Variants in SGCZ observed in about 807,000 individuals in gnomAD.
SGCZ encodes the protein zeta-sarcoglycan.
Under a neutral mutation model 41.3 loss-of-function variants are expected in SGCZ, and 40 were observed. The ratio of observed to expected loss-of-function variants is 0.97; its 90% CI spans 0.75 to 1.26. The LOEUF (loss-of-function observed/expected upper bound fraction) is 1.26. Ranked by LOEUF, SGCZ falls within the 50% of genes most tolerant of loss-of-function variation. SGCZ has a pLI of 0.00. For missense variants in SGCZ, 552 were observed against 369.8 expected, an observed-to-expected ratio of 1.49 and a Z score of -4.04; for synonymous variants, 206 against 137.5, an observed-to-expected ratio of 1.50 and a Z score of -3.49.
chr8:14,710,819 A>G (rs1809492152), intron 1 of SGCZ, among the ~76,000 whole-genome samples: 1 of 152,198 alleles, frequency 6.6e-6, no homozygotes, highest in Non-Finnish European at 1.5e-5. Context: ...ATCTTTTTAA[A>G]GCAATTTTTT....
At chr8:14,333,932 T>C (rs769006865) in intron 2 of SGCZ, among the ~76,000 whole-genome samples, 2 of 152,126 alleles carry the variant, frequency 1.3e-5, no homozygotes, top group African/African-American at 2.4e-5. Flanking sequence ...TTCAGTTGCG[T>C]CCTAATGTGA....
intron 2 of SGCZ, among the ~76,000 whole-genome samples, chr8:14,414,190 G>A (rs552413281): frequency 3.3e-5 from 5 of 151,610 alleles, no homozygotes; most frequent in African/African-American, 4.8e-5. Context: ...GCACACACTC[G>A]CGCACACACA....
At chr8:14,309,591 C>T in intron 3 of SGCZ, 1 of 1,610,840 alleles carries the variant, frequency 6.2e-7, no homozygotes, top group Non-Finnish European at 8.5e-7. Flanking sequence ...AGGACTTCAT[C>T]CAAAGATAGT....
intron 2 of SGCZ, among the ~76,000 whole-genome samples, chr8:14,510,868 G>A (rs1232509805): frequency 6.6e-6 from 1 of 152,022 alleles, no homozygotes; most frequent in African/African-American, 2.4e-5. Flanking sequence ...TCTTCATTAA[G>A]GACTTGGGAA....
chr8:14,724,325 G>A (rs2250532), intron 1 of SGCZ, among the ~76,000 whole-genome samples: 110,362 of 151,352 alleles, frequency 0.73, 40,296 homozygotes, highest in Admixed American at 0.77. Context: ...ATATATATAT[G>A]TGTTCTAATT....
chr8:14,647,939 G>C (rs1238786426), intron 1 of SGCZ, among the ~76,000 whole-genome samples: 1 of 151,972 alleles, frequency 6.6e-6, no homozygotes, highest in Admixed American at 6.6e-5. Flanking sequence ...TATCTGGGGA[G>C]ACAGTTCTAT....
At chr8:14,163,848 T>C (rs1164719817) in intron 5 of SGCZ, among the ~76,000 whole-genome samples, 1 of 152,160 alleles carries the variant, frequency 6.6e-6, no homozygotes, top group Non-Finnish European at 1.5e-5. Flanking sequence ...AAGTCAAATA[T>C]ACTTTATTAT....
chr8:14,851,079 T>C (rs990633969), intron 1 of SGCZ, among the ~76,000 whole-genome samples: 3 of 152,170 alleles, frequency 2.0e-5, no homozygotes, highest in East Asian at 3.9e-4. Flanking sequence ...TTTTAAAGAA[T>C]GTATTCAAGG....
chr8:14,592,456 T>C lies in SGCZ; in HGVS notation c.40-37530A>G, dbSNP rs1585107200. On this transcript the variant is annotated intron_variant, in intron 1 of 7. Transcript: ENST00000382080. ...AGGATTCTATTTTCAATTGGCATTCTAATGTAATTCTTTCTTAATTTTACA... is the reference window on the plus strand; with the variant it reads ...AGGATTCTATTTTCAATTGGCATTCCAATGTAATTCTTTCTTAATTTTACA... Among the ~76,000 whole-genome samples, 4 of 152,294 alleles carry C rather than the reference T, an allele frequency of 2.6e-5. No individual in the cohort carries two copies. The South Asian group carries it at 8.3e-4, about 32-fold the overall frequency.
intron 3 of SGCZ, among the ~76,000 whole-genome samples, chr8:14,260,259 AAAC>A (rs1227231961): frequency 2.6e-5 from 4 of 152,124 alleles, no homozygotes; most frequent in Admixed American, 2.6e-4. Flanking sequence ...AGCAAAAAAC[AAAC>A]AACCCCATCA....
chr8:14,616,441 TA>T (rs2117355783), intron 1 of SGCZ, among the ~76,000 whole-genome samples: 1 of 152,332 alleles, frequency 6.6e-6, no homozygotes, highest in Admixed American at 6.5e-5. Flanking sequence ...TCTATTTTTG[TA>T]TTTTTACTAG....
chr8:14,473,908 A>T (rs1006423187), intron 2 of SGCZ, among the ~76,000 whole-genome samples: 1 of 150,530 alleles, frequency 6.6e-6, no homozygotes, highest in Non-Finnish European at 1.5e-5. Context: ...ACTGCACTCC[A>T]GCCTGGGCGA....
chr8:14,125,831 C>A (rs1397552982), intron 5 of SGCZ, among the ~76,000 whole-genome samples: 1 of 152,092 alleles, frequency 6.6e-6, no homozygotes. Context: ...ACCTCTACAT[C>A]CATCTGATCT....
chr8:14,819,431 T>C (rs916417576), intron 1 of SGCZ, among the ~76,000 whole-genome samples: 13 of 152,156 alleles, frequency 8.5e-5, no homozygotes, highest in Admixed American at 3.3e-4. Context: ...GCCTGCAAAA[T>C]TGGCCTTATA....
chr8:15,196,397 A>G (rs539767654), intron 1 of SGCZ, among the ~76,000 whole-genome samples: 116 of 152,356 alleles, frequency 7.6e-4, no homozygotes, highest in Non-Finnish European at 1.3e-3. Context: ...AAGTGCAGGT[A>G]TCAAAAGTCC....
chr8:14,779,043 C>G (rs1005125235), intron 1 of SGCZ, among the ~76,000 whole-genome samples: 1 of 152,156 alleles, frequency 6.6e-6, no homozygotes, highest in African/African-American at 2.4e-5. Flanking sequence ...GTACTGTTAA[C>G]AACAGCAAAA....
intron 1 of SGCZ, among the ~76,000 whole-genome samples, chr8:14,580,959 C>T (rs755075960): frequency 9.9e-5 from 15 of 152,162 alleles, no homozygotes; most frequent in East Asian, 1.9e-4. Context: ...TTGAAATTAA[C>T]GGCAATTTCA....
intron 1 of SGCZ, among the ~76,000 whole-genome samples, chr8:15,168,022 A>C (rs1799715346): frequency 6.6e-6 from 1 of 152,250 alleles, no homozygotes; most frequent in Non-Finnish European, 1.5e-5. Flanking sequence ...AAATCTTTGC[A>C]GCATAACTAT....
At chr8:14,635,985 TTTGGTTAATCAAA>T (rs1363335373) in intron 1 of SGCZ, among the ~76,000 whole-genome samples, 1 of 151,842 alleles carries the variant, frequency 6.6e-6, no homozygotes, top group African/African-American at 2.4e-5. Flanking sequence ...CCCAAGAAGG[TTTGGTTAATCAAA>T]AGAGGCTTGC....
Sources: gnomAD v4.1 joint callset for allele counts (sites outside exome capture counted in the v4.1 genomes callset) on GRCh38, gnomAD v4.1.1 for gene constraint, MANE v1.5 for transcripts, NCBI Gene and HGNC (gene_info 2026-07-23, HGNC 2026-07-21) for gene names.